PPEF1: variants seen among roughly 807,000 people sequenced by gnomAD.
PPEF1 encodes the protein serine/threonine-protein phosphatase with EF-hands 1.
Under a neutral mutation model 53.3 loss-of-function variants are expected in PPEF1, and 12 were observed. That is an observed-to-expected ratio of 0.23 (90% CI 0.14 to 0.36). The LOEUF is 0.36. Among genes scored for constraint, PPEF1 ranks in the 10% least tolerant of loss-of-function variants. The probability of loss-of-function intolerance (pLI) is 1.00; values close to 1 mark genes in which losing one functional copy is unlikely to be tolerated. For missense variants in PPEF1, 334 were observed against 490.4 expected, an observed-to-expected ratio of 0.68 and a Z score of 3.01; for synonymous variants, 165 against 176.7, an observed-to-expected ratio of 0.93 and a Z score of 0.52.
chrX:18,691,324 G>T (rs1929370020), intron 4 of PPEF1: 1 of 111,733 alleles, frequency 8.9e-6, no homozygotes, highest in African/African-American at 3.3e-5. Context: ...GTGACTTTGG[G>T]GAGGCCACCT....
intron 3 of PPEF1, among the ~76,000 whole-genome samples, chrX:18,686,645 G>A (rs985281336): frequency 2.7e-5 from 3 of 110,978 alleles, no homozygotes; most frequent in Non-Finnish European, 5.7e-5. Flanking sequence ...AACAGGAAGC[G>A]GGGGTGATTT....
intron 5 of PPEF1, among the ~76,000 whole-genome samples, chrX:18,699,650 G>A (rs1248044423): frequency 1.8e-5 from 2 of 111,431 alleles, no homozygotes; most frequent in Non-Finnish European, 3.8e-5. Context: ...AACTCAGCAA[G>A]ATTACAGGCC....
At chrX:18,685,757 A>G (rs1024291060) in intron 2 of PPEF1, among the ~76,000 whole-genome samples, 18 of 110,499 alleles carry the variant, frequency 1.6e-4, no homozygotes, top group Admixed American at 1.9e-4. Flanking sequence ...TGCCATGACA[A>G]CTGTCTGTGA....
chrX:18,678,268 A>T (rs763729388), upstream of PPEF1, among the ~76,000 whole-genome samples: 113 of 109,459 alleles, frequency 1.0e-3, no homozygotes, highest in African/African-American at 3.7e-3. Flanking sequence ...CCATCTCTAT[A>T]AAAAAATACA....
intron 10 of PPEF1, among the ~76,000 whole-genome samples, chrX:18,795,255 A>G (rs1194042867): frequency 8.9e-6 from 1 of 112,171 alleles, no homozygotes; most frequent in South Asian, 3.7e-4. Context: ...GGCTGCAGTG[A>G]GCTGAGATCG....
At chrX:18,680,058 C>T (rs1003445568), upstream of PPEF1, among the ~76,000 whole-genome samples, 20 of 104,241 alleles carry the variant, frequency 1.9e-4, no homozygotes, top group Non-Finnish European at 3.3e-4. Flanking sequence ...CATTACACCC[C>T]AGCCTGGGTC....
At chrX:18,726,020 G>A (rs2147352014) in intron 1 of PPEF1, among the ~76,000 whole-genome samples, 1 of 111,219 alleles carries the variant, frequency 9.0e-6, no homozygotes, top group African/African-American at 3.3e-5. Context: ...GGCAGTAGAT[G>A]TCAGGTGTCC....
At chrX:18,681,510 C>A (rs1018697473), upstream of PPEF1, among the ~76,000 whole-genome samples, 2 of 111,454 alleles carry the variant, frequency 1.8e-5, no homozygotes, top group South Asian at 3.8e-4. Context: ...AAGAGCTAAT[C>A]CTGGATTTTT....
chrX:18,754,684 A>AG (rs1007633256), intron 4 of PPEF1, among the ~76,000 whole-genome samples: 3 of 111,080 alleles, frequency 2.7e-5, no homozygotes, highest in African/African-American at 9.8e-5. Context: ...TGAAGCCTTG[A>AG]CCTCCTGGGC....
At chrX:18,724,668 G>A (rs985338477) in intron 1 of PPEF1, among the ~76,000 whole-genome samples, 102 of 111,468 alleles carry the variant, frequency 9.2e-4, no homozygotes, top group African/African-American at 3.3e-3. Flanking sequence ...CAATGTGACC[G>A]GGAAGAGAAG....
chrX:18,684,136 C>T (rs745494295), intron 1 of PPEF1, among the ~76,000 whole-genome samples: 1 of 111,991 alleles, frequency 8.9e-6, no homozygotes, highest in Non-Finnish European at 1.9e-5. Context: ...TGTTCATTAT[C>T]ACATGCCTGC....
chrX:18,818,735 T>G (rs2147745433), intron 13 of PPEF1, among the ~76,000 whole-genome samples: 1 of 111,616 alleles, frequency 9.0e-6, no homozygotes, highest in Admixed American at 9.6e-5. Flanking sequence ...ACAGCTAGAT[T>G]TTGGAGGATG....
intron 10 of PPEF1, among the ~76,000 whole-genome samples, chrX:18,798,328 T>A (rs1261025711): frequency 8.9e-6 from 1 of 111,816 alleles, no homozygotes; most frequent in Non-Finnish European, 1.9e-5. Flanking sequence ...CCACGGCGCC[T>A]GGCCAAAATT....
intron 12 of PPEF1, among the ~76,000 whole-genome samples, chrX:18,813,378 CA>C (rs953412612): frequency 4.9e-3 from 152 of 30,796 alleles, no homozygotes; most frequent in South Asian, 0.015. Context: ...GACTCCGTCT[CA>C]AAAAAAAAAA....
intron 3 of PPEF1, among the ~76,000 whole-genome samples, chrX:18,748,801 A>C (rs1459760546): frequency 9.0e-6 from 1 of 111,502 alleles, no homozygotes; most frequent in Non-Finnish European, 1.9e-5. Context: ...CATTGTTCCT[A>C]AAGAGTGCAT....
At position 18,684,212 on chromosome X, in the gene PPEF1, C is replaced by T. The variant is rs1255818411; in HGVS notation, c.-637-440C>T. On this transcript the variant is annotated intron_variant, in intron 1 of 21. Transcript: ENST00000361511. ...TTTTAAAAAAAGTATATGACATGGC[C>T]TCATCTCAAGAAGTCTGAAGAACAT... Among the ~76,000 whole-genome samples the T allele has an allele frequency of 3.6e-5, 4 of 111,696 alleles. No homozygotes were observed. The Admixed American group carries it at 3.8e-4, about 11-fold the overall frequency.
intron 3 of PPEF1, 152 bp from the exon 4 acceptor site, chrX:18,749,640 G>A (rs1014690938): frequency 1.4e-5 from 6 of 416,186 alleles, no homozygotes; most frequent in Admixed American, 4.0e-5. Flanking sequence ...GTCATTCCTC[G>A]TGGTTATATG....
chrX:18,718,478 A>AGAGGATCACTTGAGCCCAG (rs941648081), intron 1 of PPEF1, among the ~76,000 whole-genome samples: 2 of 111,089 alleles, frequency 1.8e-5, no homozygotes, highest in Admixed American at 9.6e-5. Flanking sequence ...AGGCTGAGGC[A>AGAGGATCACTTGAGCCCAG]GAGGATCACT....
rs904631838 is a variant in PPEF1, at chrX:18,766,777, G to C, written c.558+5201G>C. On this transcript the variant is annotated intron_variant, in intron 6 of 15. Coordinates refer to ENST00000470157, the MANE Select transcript of PPEF1 (RefSeq NM_001377996.1). ...AAATTAAAACGTTCTGGCTGGGCAC[G>C]GTGGCTCACGCCTGTAATCCCAGCA... Among the ~76,000 whole-genome samples, 28 of 112,536 alleles carry C rather than the reference G, an allele frequency of 2.5e-4. No individual in the cohort carries two copies. In the Admixed American group the frequency reaches 2.6e-3, roughly 11 times the overall value.
Sources: gnomAD v4.1 joint callset for allele counts (sites outside exome capture counted in the v4.1 genomes callset) on GRCh38, gnomAD v4.1.1 for gene constraint, MANE v1.5 for transcripts, NCBI Gene and HGNC (gene_info 2026-07-23, HGNC 2026-07-21) for gene names.